HIGD2B: variants seen among roughly 807,000 people sequenced by gnomAD.
HIGD2B encodes the protein HIG1 domain family member 2B.
For missense variants in HIGD2B, 106 were observed against 67.0 expected (o/e 1.58, Z -2.03); for synonymous variants, 45 against 28.1 (o/e 1.60, Z -1.90).
intron 1 of HIGD2B, among the ~76,000 whole-genome samples, chr15:72,685,534 G>A (rs1192320359): frequency 6.6e-6 from 1 of 152,196 alleles, no homozygotes; most frequent in Non-Finnish European, 1.5e-5. Context: ...GACAGGTAAT[G>A]GAGAACGCCT....
intron 2 of HIGD2B, among the ~76,000 whole-genome samples, chr15:72,677,022 A>G (rs904957188): frequency 6.6e-6 from 1 of 152,222 alleles, no homozygotes; most frequent in African/African-American, 2.4e-5. Flanking sequence ...TCTGGCTGTG[A>G]TATTACACAA....
Position 72,686,047 on chromosome 15 carries a change from T to G in HIGD2B, c.-422A>C. 1.4e-6 allele frequency: 1 copy of G among 694,914 alleles called. No individual in the cohort carries two copies. The highest frequency in any genetic ancestry group is 1.8e-5 in the African/African-American group (1 of 56,582). The allele number at this position is 694,914 out of a possible 1,614,324, so 43.0% of individuals were successfully genotyped here. ...AGTGGCTGCGCATTCCCTCCCCGAC[T>G]CTTTCAGAGGTAAGCCTTCTGTGGA... On this transcript the variant is annotated 5_prime_UTR_variant, in exon 1 of 3. Transcript: ENST00000311755.
At chr15:72,678,767 G>C (rs767291823) in intron 2 of HIGD2B, among the ~76,000 whole-genome samples, 1 of 152,060 alleles carries the variant, frequency 6.6e-6, no homozygotes, top group Non-Finnish European at 1.5e-5. Context: ...GGAGGTCAAG[G>C]CAGGAGGATC....
rs991217924 is a variant in HIGD2B, at chr15:72,680,801, C to T, written c.-192-608G>A. ...TACTCAGGAGGCTGAGCCTGAGGCA[C>T]GAGAATTGCCTGAACTCAGGTGGTG... is the stretch of plus-strand genomic sequence containing the variant. On this transcript the variant is annotated intron_variant, in intron 1 of 2. Coordinates refer to ENST00000311755, the MANE Select transcript of HIGD2B (RefSeq NM_001350932.3). 4.3e-4 allele frequency among the ~76,000 whole-genome samples: 65 copies of T among 152,022 alleles called. 3 individuals carry two copies. Among genetic ancestry groups the T allele is most frequent in the Admixed American group, 3.0e-3 (45 of 15,254 alleles).
intron 1 of HIGD2B, among the ~76,000 whole-genome samples, chr15:72,680,937 G>A (rs1207839879): frequency 6.6e-6 from 1 of 152,102 alleles, no homozygotes; most frequent in Admixed American, 6.5e-5. Flanking sequence ...GTGAGAGACA[G>A]GGATGTACAA....
rs112964333 is a variant in HIGD2B at position 72,676,403 on chromosome 15, C to CTTT, written c.-13-19_-13-17dup. 5 of 675,146 alleles carry CTTT rather than the reference C, an allele frequency of 7.4e-6. No homozygotes were observed. The highest frequency in any genetic ancestry group is 2.4e-5 in the Admixed American group (1 of 42,470). 41.8% of individuals were successfully genotyped at this position (675,146 alleles called of 1,614,324 possible). Reference sequence around the variant, plus strand: ...TAGGCCACAGCTGCAGGAGAAAATCCTTTGTTTTTTTTTTTTTTTGAGAAG... The same window carrying CTTT: ...TAGGCCACAGCTGCAGGAGAAAATCCTTTTTTGTTTTTTTTTTTTTTTGAGAAG... On this transcript the variant is annotated splice_polypyrimidine_tract_variant and intron_variant, in intron 2 of 2. Transcript: ENST00000311755.
intron 2 of HIGD2B, among the ~76,000 whole-genome samples, chr15:72,677,346 A>G (rs2064703001): frequency 6.6e-6 from 1 of 152,154 alleles, no homozygotes; most frequent in South Asian, 2.1e-4. Flanking sequence ...GAATCGCTTG[A>G]ACCCCGGAGG....
rs141856610 is a variant in HIGD2B, at chr15:72,681,308, G to A, written c.-192-1115C>T. ...TCCTTTTCCAGAAAATCCAGTATTG[G>A]TTTTCCTCCTTTGGAGGCGTAGAGT... On this transcript the variant is annotated intron_variant, in intron 1 of 2. Transcript: ENST00000311755. Among the ~76,000 whole-genome samples, 128 of 152,238 alleles carry A rather than the reference G, an allele frequency of 8.4e-4. 1 individual carries two copies. In the East Asian group the frequency reaches 0.024, roughly 28 times the overall value.
chr15:72,679,072 A>C (rs1162963224), intron 2 of HIGD2B, among the ~76,000 whole-genome samples: 1 of 151,752 alleles, frequency 6.6e-6, no homozygotes, highest in Non-Finnish European at 1.5e-5. Context: ...AAAAAAAAAG[A>C]AGGAAAGAAA....
At position 72,676,156 on chromosome 15, in the gene HIGD2B, T is replaced by C. The variant is rs113032568; in HGVS notation, c.219A>G (p.Gln73=). The change falls in exon 3 of 3, where the codon CAA becomes CAG. Residue 73 remains glutamine (Q), a synonymous_variant. Coordinates refer to ENST00000311755, the MANE Select transcript of HIGD2B (RefSeq NM_001350932.3). ...GLYCFHQGNS[Q]CSRLMMHTQI... is the part of the protein sequence containing the mutation. The stretch of plus-strand genomic sequence containing the variant: ...GGGTGTGCATCATAAGCCGTGAACA[T>C]TGGCTGTTGCCCTGGTGGAAGCAGT... The C allele has an allele frequency of 2.4e-4, 184 of 764,050 alleles. 2 individuals are homozygous for C. The highest frequency in any genetic ancestry group is 2.1e-3 in the African/African-American group (126 of 59,180). The allele number at this position is 764,050 out of a possible 1,614,324, so 47.3% of individuals were successfully genotyped here. A position where few individuals can be genotyped will look rare whatever the true frequency, so the allele number is the denominator to read the frequency against.
chr15:72,679,649 G>T (rs2064728634), intron 2 of HIGD2B, among the ~76,000 whole-genome samples: 1 of 151,924 alleles, frequency 6.6e-6, no homozygotes, highest in Admixed American at 6.6e-5. Context: ...AATGTTATGG[G>T]GAGAAACTGC....
intron 1 of HIGD2B, among the ~76,000 whole-genome samples, chr15:72,685,307 C>T (rs1002990514): frequency 2.0e-5 from 3 of 152,146 alleles, no homozygotes; most frequent in African/African-American, 4.8e-5. Flanking sequence ...AAGGGCGAGA[C>T]TTAAAAGTAT....
At chr15:72,685,218 C>G (rs1429111316) in intron 1 of HIGD2B, among the ~76,000 whole-genome samples, 1 of 152,158 alleles carries the variant, frequency 6.6e-6, no homozygotes, top group Non-Finnish European at 1.5e-5. Flanking sequence ...TTCTCCCTCT[C>G]TTAGAGGCCT....
In HIGD2B at chr15:72,685,670, CTT is replaced by C. The variant is rs535532123; in HGVS notation, c.-193+146_-193+147del. The stretch of plus-strand genomic sequence containing the variant: ...GCCGATTTCTTGTGAAATCTCCTAA[CTT>C]TTAAATATTTCCAATCAAAAGACTG... On this transcript the variant is annotated intron_variant, in intron 1 of 2. Coordinates refer to ENST00000311755, the MANE Select transcript of HIGD2B (RefSeq NM_001350932.3). 1.2e-3 allele frequency: 215 copies of C among 180,790 alleles called. 6 individuals carry two copies. The South Asian group carries it at 0.023, about 19-fold the overall frequency. 11.2% of individuals were successfully genotyped at this position (180,790 alleles called of 1,614,324 possible). A position where few individuals can be genotyped will look rare whatever the true frequency, so the allele number is the denominator to read the frequency against.
intron 2 of HIGD2B, among the ~76,000 whole-genome samples, chr15:72,678,533 C>T (rs748840781): frequency 1.3e-5 from 2 of 152,034 alleles, no homozygotes; most frequent in Non-Finnish European, 2.9e-5. Flanking sequence ...AACTCCTGGA[C>T]ACAAGTGATC....
chr15:72,676,253 C>A lies in HIGD2B; in HGVS notation c.122G>T (p.Arg41Leu), dbSNP rs749454170. 5.2e-6 allele frequency: 4 copies of A among 766,996 alleles called. No homozygotes were observed. Among genetic ancestry groups the A allele is most frequent in the South Asian group, 2.7e-5 (2 of 74,184 alleles). 47.5% of individuals were successfully genotyped at this position (766,996 alleles called of 1,614,324 possible). A position where few individuals can be genotyped will look rare whatever the true frequency, so the allele number is the denominator to read the frequency against. Residue 41 changes from arginine to leucine, a missense_variant, in exon 3 of 3, where the codon CGC becomes CTC. Coordinates refer to ENST00000311755, the MANE Select transcript of HIGD2B (RefSeq NM_001350932.3). Reference protein sequence around the residue: ...NPEGFKEKFLRKTRENPVVPI... With the variant: ...NPEGFKEKFLLKTRENPVVPI... ...TACCACCGGATTCTCGCGGGTCTTG[C>A]GAAGGAACTTTTCCTTGAAACCCTC...
At chr15:72,685,778 C>T (rs1007910002) in intron 1 of HIGD2B, 40 bp downstream of exon 1, 1 of 283,018 alleles carries the variant, frequency 3.5e-6, no homozygotes, top group Non-Finnish European at 7.0e-6. Flanking sequence ...GTGAGTACCT[C>T]AGTTCGATAG....
At chr15:72,676,905 T>G (rs1414866471) in intron 2 of HIGD2B, among the ~76,000 whole-genome samples, 1 of 152,152 alleles carries the variant, frequency 6.6e-6, no homozygotes, top group African/African-American at 2.4e-5. Flanking sequence ...TGGTGACAGA[T>G]AGGAAAACCT....
In HIGD2B at chr15:72,675,970, G is replaced by A; in HGVS notation, c.*84C>T. ...AACGACACAGGGACCTCTCAAAGGA[G>A]AGGAGAGAGTAAGTCCCATGGTAGG... is the stretch of plus-strand genomic sequence containing the variant. On this transcript the variant is annotated 3_prime_UTR_variant, in exon 3 of 3. Transcript: ENST00000311755. 1.6e-6 allele frequency: 1 copy of A among 635,162 alleles called. No homozygotes were observed. Among genetic ancestry groups the A allele is most frequent in the South Asian group, 1.8e-5 (1 of 55,310 alleles). 39.3% of individuals were successfully genotyped at this position (635,162 alleles called of 1,614,324 possible). A position where few individuals can be genotyped will look rare whatever the true frequency, so the allele number is the denominator to read the frequency against.
Sources: gnomAD v4.1 joint callset for allele counts (sites outside exome capture counted in the v4.1 genomes callset) on GRCh38, gnomAD v4.1.1 for gene constraint, MANE v1.5 for transcripts, NCBI Gene and HGNC (gene_info 2026-07-23, HGNC 2026-07-21) for gene names.